PRDM1: variants seen among roughly 807,000 people sequenced by gnomAD.
PRDM1 encodes the protein PR domain zinc finger protein 1.
In PRDM1, 13 loss-of-function variants were observed where a neutral mutation model predicts 62.8. The ratio of observed to expected loss-of-function variants is 0.21; its 90% CI spans 0.13 to 0.33. The LOEUF (loss-of-function observed/expected upper bound fraction) is 0.33. PRDM1 is among the 10% of genes least tolerant of loss of function. PRDM1 has a pLI of 1.00. For synonymous variants in PRDM1, 396 were observed against 417.6 expected, an observed-to-expected ratio of 0.95 and a Z score of 0.63; for missense variants, 895 against 1,058.8, an observed-to-expected ratio of 0.85 and a Z score of 2.15.
chr6:106,075,035 A>G (rs779826847), intron 1 of PRDM1, among the ~76,000 whole-genome samples: 12 of 152,254 alleles, frequency 7.9e-5, no homozygotes, highest in Non-Finnish European at 1.6e-4. Flanking sequence ...AACTGTTTGT[A>G]TAGTTTAAAA....
At chr6:106,048,216 C>CAAAA (rs71006668), upstream of PRDM1, among the ~76,000 whole-genome samples, 3 of 110,208 alleles carry the variant, frequency 2.7e-5, no homozygotes, top group South Asian at 3.1e-4. Context: ...CCATCTCTAC[C>CAAAA]AAAAAAAAAA....
chr6:106,079,739 A>C (rs1446867487), intron 1 of PRDM1, among the ~76,000 whole-genome samples: 2 of 152,248 alleles, frequency 1.3e-5, no homozygotes, highest in South Asian at 4.1e-4. Flanking sequence ...TGAAGGTTGC[A>C]GCCAGCCAAG....
At chr6:106,029,708 G>A (rs1436183433) in intron 1 of PRDM1, among the ~76,000 whole-genome samples, 2 of 152,102 alleles carry the variant, frequency 1.3e-5, no homozygotes, top group Non-Finnish European at 2.9e-5. Flanking sequence ...CCAGGCTCAG[G>A]TGATCCTCCT....
intron 1 of PRDM1, among the ~76,000 whole-genome samples, chr6:106,075,313 T>C (rs1350532004): frequency 6.6e-6 from 1 of 152,240 alleles, no homozygotes; most frequent in Non-Finnish European, 1.5e-5. Context: ...TTTCCTATAT[T>C]AAATTAGATT....
At chr6:106,057,188 A>G (rs1465743380) in intron 1 of PRDM1, among the ~76,000 whole-genome samples, 3 of 152,214 alleles carry the variant, frequency 2.0e-5, no homozygotes, top group South Asian at 4.1e-4. Flanking sequence ...TAAATGCATT[A>G]TAAGTGTGAG....
At chr6:106,094,681 T>C (rs903143270) in intron 2 of PRDM1, among the ~76,000 whole-genome samples, 4 of 152,012 alleles carry the variant, frequency 2.6e-5, no homozygotes, top group Non-Finnish European at 5.9e-5. Flanking sequence ...GGTGGGAGGA[T>C]CGCTTGAGTC....
At chr6:106,101,600 T>C (rs915501286) in intron 4 of PRDM1, among the ~76,000 whole-genome samples, 1 of 152,236 alleles carries the variant, frequency 6.6e-6, no homozygotes, top group Non-Finnish European at 1.5e-5. Context: ...ACCAGTCACA[T>C]TAAAACAAGA....
chr6:106,061,854 A>G (rs975888607), intron 1 of PRDM1, among the ~76,000 whole-genome samples: 1 of 152,208 alleles, frequency 6.6e-6, no homozygotes, highest in Non-Finnish European at 1.5e-5. Flanking sequence ...ATGGAGTTAG[A>G]ATTTAGACCT....
chr6:106,078,731 G>A (rs1282002721), intron 1 of PRDM1, among the ~76,000 whole-genome samples: 2 of 151,976 alleles, frequency 1.3e-5, no homozygotes, highest in Admixed American at 6.6e-5. Flanking sequence ...AAATTAGCTG[G>A]GTGTGGTAGT....
chr6:106,075,548 C>T (rs1261392564), intron 1 of PRDM1, among the ~76,000 whole-genome samples: 1 of 152,146 alleles, frequency 6.6e-6, no homozygotes. Context: ...TCATCTCTTC[C>T]CTGGCCCTCA....
chr6:106,097,656 C>T (rs753403927), intron 3 of PRDM1, among the ~76,000 whole-genome samples: 15 of 152,104 alleles, frequency 9.9e-5, no homozygotes, highest in Non-Finnish European at 1.8e-4. Flanking sequence ...TTTACATATG[C>T]GTTATTTTAT....
In PRDM1 at chr6:106,108,521, CT is replaced by C. The variant is rs5878868; in HGVS notation, c.*1056del. On this transcript the variant is annotated 3_prime_UTR_variant, in exon 7 of 7. Transcript: ENST00000369096. ...GGTGTTTTGTTGTTGGTTTTTGTTGCTTTTTTTTTTTTTTTTTTTTTAATGT... is the reference window on the plus strand; with the variant it reads ...GGTGTTTTGTTGTTGGTTTTTGTTGCTTTTTTTTTTTTTTTTTTTTAATGT... The C allele has an allele frequency of 0.048, 6,830 of 143,258 alleles. No individual in the cohort carries two copies. Among genetic ancestry groups the C allele is most frequent in the Middle Eastern group, 0.11 (47 of 430 alleles). The allele number at this position is 143,258 out of a possible 1,614,324, so 8.9% of individuals were successfully genotyped here. A position where few individuals can be genotyped will look rare whatever the true frequency, so the allele number is the denominator to read the frequency against.
upstream of PRDM1, among the ~76,000 whole-genome samples, chr6:106,081,469 T>A (rs2114609447): frequency 6.6e-6 from 1 of 151,990 alleles, no homozygotes; most frequent in African/African-American, 2.4e-5. Context: ...CAAAAAAGAG[T>A]CTGGGAGAGA....
At chr6:106,097,482 T>C (rs1774143003) in intron 3 of PRDM1, among the ~76,000 whole-genome samples, 1 of 152,226 alleles carries the variant, frequency 6.6e-6, no homozygotes, top group Non-Finnish European at 1.5e-5. Context: ...TATGAACATC[T>C]GTTGTGAGGA....
chr6:106,050,507 A>AT (rs1205190219), intron 1 of PRDM1, among the ~76,000 whole-genome samples: 1 of 152,068 alleles, frequency 6.6e-6, no homozygotes, highest in Non-Finnish European at 1.5e-5. Context: ...AAGTATTGAG[A>AT]TTTTTTTAAC....
At chr6:105,993,153 C>T (rs893874789), upstream of PRDM1, among the ~76,000 whole-genome samples, 1 of 152,194 alleles carries the variant, frequency 6.6e-6, no homozygotes, top group Non-Finnish European at 1.5e-5. Flanking sequence ...CAAAATAATT[C>T]TGCATTGTTT....
At chr6:106,052,613 G>A (rs575192005) in intron 1 of PRDM1, among the ~76,000 whole-genome samples, 2 of 151,992 alleles carry the variant, frequency 1.3e-5, no homozygotes, top group Non-Finnish European at 2.9e-5. Context: ...GATGCATTGG[G>A]TAGGATGGCA....
chr6:106,090,781 G>T (rs1773940393), intron 2 of PRDM1, among the ~76,000 whole-genome samples: 1 of 151,734 alleles, frequency 6.6e-6, no homozygotes, highest in East Asian at 1.9e-4. Flanking sequence ...CGTTTAAATA[G>T]CAAAAGATGT....
At chr6:106,050,595 C>T (rs115653921) in intron 1 of PRDM1, among the ~76,000 whole-genome samples, 2,147 of 152,222 alleles carry the variant, frequency 0.014, 59 homozygotes, top group African/African-American at 0.048. Context: ...CAGCTTTCTG[C>T]GCGTGCTAGG....
Sources: allele counts gnomAD v4.1 joint callset (sites outside exome capture counted in the v4.1 genomes callset), GRCh38; gene constraint gnomAD v4.1.1; transcripts MANE v1.5; gene names NCBI Gene and HGNC (gene_info 2026-07-23, HGNC 2026-07-21).